The following ALPL variants were observed in gnomAD, a reference collection of about 807,000 sequenced individuals.
ALPL encodes alkaline phosphatase, biomineralization associated, also known as alkaline phosphatase, tissue-nonspecific isozyme.
ALPL carries 42 observed loss-of-function variants against 51.3 expected under a neutral mutation model. The ratio of observed to expected loss-of-function variants is 0.82; its 90% confidence interval spans 0.64 to 1.06. The LOEUF is 1.06. ALPL is among the 50% of genes least tolerant of loss of function. ALPL has a pLI of 0.00. For synonymous variants in ALPL, 279 were observed against 296.4 expected, an observed-to-expected ratio of 0.94 and a Z score of 0.60; for missense variants, 589 against 709.4, an observed-to-expected ratio of 0.83 and a Z score of 1.93.
At chr1:21,551,938 G>T (rs578173659) in intron 1 of ALPL, among the ~76,000 whole-genome samples, 1 of 150,740 alleles carries the variant, frequency 6.6e-6, no homozygotes, top group Non-Finnish European at 1.5e-5. Flanking sequence ...TGTTAGCCAG[G>T]ATGGTCTCGA....
chr1:21,566,879 G>A (rs539826361), intron 6 of ALPL, among the ~76,000 whole-genome samples: 1 of 152,352 alleles, frequency 6.6e-6, no homozygotes, highest in East Asian at 1.9e-4. Flanking sequence ...TTACAGGCAT[G>A]AGCCACCGCG....
intron 1 of ALPL, among the ~76,000 whole-genome samples, chr1:21,548,327 C>T (rs1644278994): frequency 6.6e-6 from 1 of 152,194 alleles, no homozygotes; most frequent in Non-Finnish European, 1.5e-5. Flanking sequence ...TTTCCCAGGT[C>T]CCCACCCTCT....
chr1:21,545,197 C>T (rs1644237691), intron 1 of ALPL, among the ~76,000 whole-genome samples: 2 of 152,318 alleles, frequency 1.3e-5, no homozygotes, highest in African/African-American at 4.8e-5. Flanking sequence ...AGCAGTTTCT[C>T]TACATTGTAA....
intron 1 of ALPL, among the ~76,000 whole-genome samples, chr1:21,517,085 G>A (rs543979734): frequency 6.6e-6 from 1 of 152,268 alleles, no homozygotes; most frequent in South Asian, 2.1e-4. Context: ...CAATTTCTTG[G>A]CTATACTGTA....
At chr1:21,518,816 A>G (rs1278603635) in intron 1 of ALPL, among the ~76,000 whole-genome samples, 1 of 151,984 alleles carries the variant, frequency 6.6e-6, no homozygotes, top group East Asian at 1.9e-4. Context: ...CTGCTCTGCC[A>G]GACTTGGGCT....
chr1:21,523,682 C>T (rs545049516), intron 1 of ALPL, among the ~76,000 whole-genome samples: 18 of 152,326 alleles, frequency 1.2e-4, no homozygotes, highest in African/African-American at 3.8e-4. Flanking sequence ...CCCTAATCCC[C>T]GGGTACTGCC....
chr1:21,510,871 T>G (rs1188000289), intron 1 of ALPL, among the ~76,000 whole-genome samples: 2 of 152,242 alleles, frequency 1.3e-5, no homozygotes, highest in Admixed American at 6.5e-5. Flanking sequence ...TGTCACCTTT[T>G]TCTTTCTTTA....
chr1:21,512,409 T>G (rs1451666612), intron 1 of ALPL, among the ~76,000 whole-genome samples: 7 of 152,174 alleles, frequency 4.6e-5, no homozygotes, highest in African/African-American at 1.7e-4. Context: ...TTTTCCAACT[T>G]TGGGCTGAAC....
chr1:21,554,397 AAT>A (rs935728754), intron 2 of ALPL, among the ~76,000 whole-genome samples: 7 of 147,422 alleles, frequency 4.7e-5, no homozygotes, highest in Non-Finnish European at 8.9e-5. Context: ...TATACAAGGA[AAT>A]ATATATTTTC....
chr1:21,537,606 A>T (rs552912600), intron 1 of ALPL, among the ~76,000 whole-genome samples: 2 of 152,292 alleles, frequency 1.3e-5, no homozygotes, highest in South Asian at 4.1e-4. Context: ...GAGTGAGCTC[A>T]TGCAGCCCCA....
chr1:21,510,283 A>T (rs923216160), intron 1 of ALPL, among the ~76,000 whole-genome samples: 1 of 151,772 alleles, frequency 6.6e-6, no homozygotes, highest in Non-Finnish European at 1.5e-5. Flanking sequence ...AGCCTCCCCC[A>T]CTCCCCATTG....
intron 1 of ALPL, among the ~76,000 whole-genome samples, chr1:21,548,987 C>T (rs2148124844): frequency 6.6e-6 from 1 of 152,334 alleles, no homozygotes; most frequent in Non-Finnish European, 1.5e-5. Context: ...CACTGCCACG[C>T]AGACATTGCC....
chr1:21,541,972 G>A (rs1443289888), intron 1 of ALPL, among the ~76,000 whole-genome samples: 1 of 152,178 alleles, frequency 6.6e-6, no homozygotes, highest in Non-Finnish European at 1.5e-5. Context: ...CTGCCCTCTA[G>A]GGAAGTCCTT....
chr1:21,546,731 GC>G (rs1323084005), intron 1 of ALPL, among the ~76,000 whole-genome samples: 1 of 152,198 alleles, frequency 6.6e-6, no homozygotes, highest in African/African-American at 2.4e-5. Context: ...CCAGATTTGG[GC>G]TTAAATCCCA....
Position 21,551,719 on chromosome 1 carries a change from G to GTTTTTTTTTTTTTT in ALPL, c.-104-2246_-104-2233dup, listed in dbSNP as rs397861981. ...CTGGCACTGGAGCGCAGCTTGCGTG[G>GTTTTTTTTTTTTTT]TTTTTTTTTTTTTTTTTTTTTTTTT... is the stretch of plus-strand genomic sequence containing the variant. On this transcript the variant is annotated intron_variant, in intron 1 of 11. Transcript: ENST00000374840. Among the ~76,000 whole-genome samples, 14 of 61,444 alleles carry GTTTTTTTTTTTTTT rather than the reference G, an allele frequency of 2.3e-4. 1 individual carries two copies. The highest frequency in any genetic ancestry group is 3.3e-4 in the Non-Finnish European group (11 of 33,674). The allele number at this position is 61,444 out of a possible 152,430, so 40.3% of individuals were successfully genotyped here.
chr1:21,551,729 T>TG (rs1192015067), intron 1 of ALPL, among the ~76,000 whole-genome samples: 1 of 127,592 alleles, frequency 7.8e-6, no homozygotes, highest in African/African-American at 2.8e-5. Flanking sequence ...GTTTTTTTTT[T>TG]TTTTTTTTTT....
chr1:21,560,776 A>C, intron 3 of ALPL, 31 bp downstream of exon 3: 1 of 1,613,714 alleles, frequency 6.2e-7, no homozygotes, highest in Non-Finnish European at 8.5e-7. Flanking sequence ...GGAGGGGTGG[A>C]ACAGGACACC....
intron 1 of ALPL, among the ~76,000 whole-genome samples, chr1:21,518,276 A>C (rs72874260): frequency 0.12 from 18,856 of 152,062 alleles, 1,306 homozygotes; most frequent in African/African-American, 0.16. Context: ...CACCCTTTGT[A>C]ATAACATCCA....
intron 1 of ALPL, among the ~76,000 whole-genome samples, chr1:21,546,624 G>A (rs1177584609): frequency 6.6e-6 from 1 of 152,212 alleles, no homozygotes; most frequent in Non-Finnish European, 1.5e-5. Flanking sequence ...CTGCCTCCTG[G>A]GTGACTGCTG....
Sources: gnomAD v4.1 joint callset for allele counts (sites outside exome capture counted in the v4.1 genomes callset) on GRCh38, gnomAD v4.1.1 for gene constraint, MANE v1.5 for transcripts, NCBI Gene and HGNC (gene_info 2026-07-23, HGNC 2026-07-21) for gene names.